THSD4: variants seen among roughly 807,000 people sequenced by gnomAD.
THSD4 encodes the protein thrombospondin type 1 domain containing 4.
THSD4 carries 69 observed loss-of-function variants against 119.0 expected under a neutral mutation model. The ratio of observed to expected loss-of-function variants is 0.58; its 90% CI spans 0.48 to 0.71. The LOEUF (loss-of-function observed/expected upper bound fraction) is 0.71, where lower values mean the gene tolerates loss of function less well. Ranked by LOEUF, THSD4 falls within the 30% of genes least tolerant of loss-of-function variation. The pLI, the probability that THSD4 is intolerant of heterozygous loss-of-function variation, is 0.00. For synonymous variants in THSD4, 524 were observed against 540.4 expected, an observed-to-expected ratio of 0.97 and a Z score of 0.42; for missense variants, 1,393 against 1,391.1, an observed-to-expected ratio of 1.00 and a Z score of -0.02.
chr15:71,687,230 G>A (rs1369723924), intron 8 of THSD4, among the ~76,000 whole-genome samples: 1 of 152,052 alleles, frequency 6.6e-6, no homozygotes, highest in Admixed American at 6.5e-5. Flanking sequence ...TGTTCTTTAA[G>A]GACTATTGAG....
chr15:71,388,928 C>G (rs948486320), intron 6 of THSD4, among the ~76,000 whole-genome samples: 5 of 152,022 alleles, frequency 3.3e-5, no homozygotes, highest in African/African-American at 1.2e-4. Context: ...GTGGTTCCCC[C>G]ATACTGTTCT....
intron 8 of THSD4, among the ~76,000 whole-genome samples, chr15:71,681,183 G>A (rs1038512740): frequency 6.6e-6 from 1 of 151,728 alleles, no homozygotes; most frequent in African/African-American, 2.4e-5. Context: ...CCAAAGTGCT[G>A]GGATTACAGG....
chr15:71,601,274 T>C (rs1017393515), intron 7 of THSD4, among the ~76,000 whole-genome samples: 2 of 152,194 alleles, frequency 1.3e-5, no homozygotes, highest in African/African-American at 4.8e-5. Context: ...CTTTATTGCC[T>C]CAATGATTGG....
chr15:71,233,453 A>G (rs867733747), intron 4 of THSD4, among the ~76,000 whole-genome samples: 3 of 152,200 alleles, frequency 2.0e-5, no homozygotes, highest in African/African-American at 7.2e-5. Context: ...TACATTTTTC[A>G]TATACTGTAT....
At chr15:71,402,184 C>T (rs532970843) in intron 6 of THSD4, among the ~76,000 whole-genome samples, 7 of 150,582 alleles carry the variant, frequency 4.6e-5, no homozygotes, top group African/African-American at 1.5e-4. Context: ...CACACCAATA[C>T]GGCACATGTA....
At chr15:71,412,844 G>A (rs1479259209) in intron 7 of THSD4, among the ~76,000 whole-genome samples, 1 of 152,062 alleles carries the variant, frequency 6.6e-6, no homozygotes, top group African/African-American at 2.4e-5. Context: ...TAATTATTAT[G>A]AGTACATAAT....
At chr15:71,323,276 CAG>C (rs2045296812) in intron 6 of THSD4, among the ~76,000 whole-genome samples, 1 of 152,070 alleles carries the variant, frequency 6.6e-6, no homozygotes, top group Non-Finnish European at 1.5e-5. Context: ...GGGGCCATTT[CAG>C]AAGCTGACTA....
At chr15:71,300,567 C>G (rs2044934781) in intron 6 of THSD4, among the ~76,000 whole-genome samples, 1 of 152,218 alleles carries the variant, frequency 6.6e-6, no homozygotes, top group South Asian at 2.1e-4. Flanking sequence ...CTAAATTCCT[C>G]AGCACATATT....
At chr15:71,474,365 G>A (rs965867530) in intron 7 of THSD4, among the ~76,000 whole-genome samples, 3 of 151,928 alleles carry the variant, frequency 2.0e-5, no homozygotes, top group East Asian at 1.9e-4. Flanking sequence ...GATTACAGGC[G>A]CCTGCCCCTG....
Position 71,780,546 on chromosome 15 carries a change from A to C in THSD4, c.*3172A>C. ...AACAAACAAAAACACCAAAAGAAAAAAAAAAGCCATTTAAAGCCAGCCACT... is the reference window on the plus strand; with the variant it reads ...AACAAACAAAAACACCAAAAGAAAACAAAAAGCCATTTAAAGCCAGCCACT... On this transcript the variant is annotated 3_prime_UTR_variant, in exon 18 of 18. Coordinates refer to ENST00000261862, the MANE Select transcript of THSD4 (RefSeq NM_024817.3). 3.0e-6 allele frequency: 1 copy of C among 334,046 alleles called. No individual in the cohort carries two copies. Among genetic ancestry groups the C allele is most frequent in the Non-Finnish European group, 6.0e-6 (1 of 165,290 alleles). 20.7% of individuals were successfully genotyped at this position (334,046 alleles called of 1,614,324 possible).
intron 7 of THSD4, among the ~76,000 whole-genome samples, chr15:71,430,098 A>AT (rs113094661): frequency 5.4e-4 from 80 of 148,080 alleles, no homozygotes; most frequent in Admixed American, 9.5e-4. Context: ...TGTTGTGGTG[A>AT]TTTTTTTTTT....
At chr15:71,166,404 G>A (rs2043295020) in intron 3 of THSD4, among the ~76,000 whole-genome samples, 1 of 152,192 alleles carries the variant, frequency 6.6e-6, no homozygotes, top group African/African-American at 2.4e-5. Context: ...GAATGCTAAA[G>A]TGTTTCCTGT....
At chr15:71,358,208 C>T (rs1249936328) in intron 6 of THSD4, among the ~76,000 whole-genome samples, 1 of 152,230 alleles carries the variant, frequency 6.6e-6, no homozygotes, top group African/African-American at 2.4e-5. Flanking sequence ...CAGGGTACGG[C>T]ATCGGCCTCC....
chr15:71,673,659 A>G (rs965870406), intron 8 of THSD4, among the ~76,000 whole-genome samples: 1 of 152,220 alleles, frequency 6.6e-6, no homozygotes, highest in Non-Finnish European at 1.5e-5. Context: ...ACACTGCTTT[A>G]AATGTGTCCC....
chr15:71,477,322 G>A (rs1277803629), intron 7 of THSD4, among the ~76,000 whole-genome samples: 1 of 152,166 alleles, frequency 6.6e-6, no homozygotes, highest in African/African-American at 2.4e-5. Context: ...CCGAGCATAT[G>A]TGTGCAAAAC....
chr15:71,748,063 CTA>C (rs1391118959), intron 13 of THSD4, among the ~76,000 whole-genome samples: 1 of 152,118 alleles, frequency 6.6e-6, no homozygotes, highest in Non-Finnish European at 1.5e-5. Context: ...TCGGTTGTGT[CTA>C]GACTGCAAAA....
chr15:71,443,282 C>G (rs1445400896), intron 7 of THSD4, among the ~76,000 whole-genome samples: 1 of 152,144 alleles, frequency 6.6e-6, no homozygotes, highest in East Asian at 1.9e-4. Flanking sequence ...CCTAGGCTCT[C>G]CCCTTCTCTG....
chr15:71,338,334 A>G (rs1282360314), intron 6 of THSD4, among the ~76,000 whole-genome samples: 1 of 147,230 alleles, frequency 6.8e-6, no homozygotes, highest in Non-Finnish European at 1.5e-5. Flanking sequence ...ATCTGAAAGC[A>G]AGGGGTCTGC....
At chr15:71,227,717 C>T (rs776452210) in intron 4 of THSD4, among the ~76,000 whole-genome samples, 99 of 152,196 alleles carry the variant, frequency 6.5e-4, no homozygotes, top group Admixed American at 1.3e-3. Flanking sequence ...GCAGGGTTCC[C>T]TGACTCTAAC....
Sources: gnomAD v4.1 joint callset for allele counts (sites outside exome capture counted in the v4.1 genomes callset) on GRCh38, gnomAD v4.1.1 for gene constraint, MANE v1.5 for transcripts, NCBI Gene and HGNC (gene_info 2026-07-23, HGNC 2026-07-21) for gene names.